The following SUCLG2 variants were observed in gnomAD, a reference collection of about 807,000 sequenced individuals.
SUCLG2 encodes succinate--CoA ligase [GDP-forming] subunit beta, mitochondrial.
A neutral mutation model predicts 47.9 loss-of-function variants in SUCLG2; 42 were observed. The ratio of observed to expected loss-of-function variants is 0.88; its 90% CI spans 0.69 to 1.14. The LOEUF (loss-of-function observed/expected upper bound fraction) is 1.14, where lower values mean the gene tolerates loss of function less well. Among genes scored for constraint, SUCLG2 ranks in the 50% most tolerant of loss-of-function variants. The pLI, the probability that SUCLG2 is intolerant of heterozygous loss-of-function variation, is 0.00. For missense variants in SUCLG2, 571 were observed against 525.9 expected (o/e 1.09, Z -0.84); for synonymous variants, 195 against 197.3 (o/e 0.99, Z 0.10).
chr3:67,541,723 C>T (rs1488047921), intron 2 of SUCLG2, among the ~76,000 whole-genome samples: 1 of 152,176 alleles, frequency 6.6e-6, no homozygotes, highest in East Asian at 1.9e-4. Context: ...GTCAGATTCA[C>T]CAAGGTTGAA....
At chr3:67,508,663 T>C in intron 7 of SUCLG2, 144 bp downstream of exon 7, 1 of 652,548 alleles carries the variant, frequency 1.5e-6, no homozygotes, top group Non-Finnish European at 2.6e-6. Context: ...AACTGCATCA[T>C]GGGAGCATTT....
rs111711299 is a variant in SUCLG2 at position 67,553,697 on chromosome 3, CAAATT to C, written c.227-24516_227-24512del. On this transcript the variant is annotated intron_variant, in intron 2 of 10. Transcript: ENST00000307227. ...TTAAATTGCACCAGTAACTCCCTAACAAATTAAAATAAAAGATTCCATATACTTTA... is the reference window on the plus strand; with the variant it reads ...TTAAATTGCACCAGTAACTCCCTAACAAAATAAAAGATTCCATATACTTTA... Among the ~76,000 whole-genome samples the C allele has an allele frequency of 9.1e-3, 1,391 of 152,174 alleles. 24 individuals are homozygous for C. Among genetic ancestry groups the C allele is most frequent in the African/African-American group, 0.031 (1,295 of 41,532 alleles).
At chr3:67,620,421 C>T (rs1700713234) in intron 1 of SUCLG2, among the ~76,000 whole-genome samples, 1 of 151,808 alleles carries the variant, frequency 6.6e-6, no homozygotes, top group Admixed American at 6.6e-5. Flanking sequence ...CTTGTCTCTA[C>T]TAAAAATACA....
chr3:67,360,691 T>C (rs1701791357), exon 11 of SUCLG2: 3 of 1,530,170 alleles, frequency 2.0e-6, no homozygotes, highest in South Asian at 2.4e-5. Context: ...TTCTCTTGGA[T>C]ACCAGTTATA....
At chr3:67,422,332 G>A (rs1288920745) in intron 9 of SUCLG2, among the ~76,000 whole-genome samples, 1 of 151,356 alleles carries the variant, frequency 6.6e-6, no homozygotes, top group Non-Finnish European at 1.5e-5. Context: ...AAAATTAGCT[G>A]GGCATGGTGG....
intron 1 of SUCLG2, among the ~76,000 whole-genome samples, chr3:67,650,682 A>G (rs1701270438): frequency 6.6e-6 from 1 of 152,086 alleles, no homozygotes; most frequent in Admixed American, 6.6e-5. Context: ...GCTTGTACCC[A>G]GGAGGAGGAG....
intron 9 of SUCLG2, among the ~76,000 whole-genome samples, chr3:67,483,614 G>C (rs1488957168): frequency 6.6e-6 from 1 of 152,222 alleles, no homozygotes; most frequent in Non-Finnish European, 1.5e-5. Flanking sequence ...AACAAGACGA[G>C]ATGTATTTCA....
intron 9 of SUCLG2, among the ~76,000 whole-genome samples, chr3:67,477,719 G>T (rs962493119): frequency 2.6e-5 from 4 of 151,900 alleles, no homozygotes; most frequent in Non-Finnish European, 4.4e-5. Flanking sequence ...ACTAGTGGAG[G>T]TTTTACTAAG....
rs564886614 is a variant in SUCLG2, at chr3:67,654,540, A to G, written c.47T>C (p.Leu16Pro). 12 of 1,264,448 alleles carry G rather than the reference A, an allele frequency of 9.5e-6. No homozygotes were observed. The highest frequency in any genetic ancestry group is 3.0e-5 in the African/African-American group (2 of 65,624). 78.3% of individuals were successfully genotyped at this position (1,264,448 alleles called of 1,614,324 possible). Residue 16 changes from leucine to proline, a missense_variant, in exon 1 of 11, where the codon CTA becomes CCA. By Grantham distance (98) the Leu-to-Pro change is moderately conservative. Transcript: ENST00000307227. ...CGCCAGGAAGCGGGGCCGCAGCGCTAGGGCTCGCAGAAGCTTCCCGGCCTG... is the reference window on the plus strand; with the variant it reads ...CGCCAGGAAGCGGGGCCGCAGCGCTGGGGCTCGCAGAAGCTTCCCGGCCTG... ...AAQAGKLLRALALRPRFLAAG... is the reference protein window; with the variant it reads ...AAQAGKLLRAPALRPRFLAAG...
intron 6 of SUCLG2, among the ~76,000 whole-genome samples, chr3:67,511,994 C>T (rs952793185): frequency 6.6e-6 from 1 of 150,964 alleles, no homozygotes; most frequent in Non-Finnish European, 1.5e-5. Context: ...GGACTACAGG[C>T]ACATGCCACT....
intron 9 of SUCLG2, among the ~76,000 whole-genome samples, chr3:67,438,425 C>T (rs1703677441): frequency 6.6e-6 from 1 of 150,768 alleles, no homozygotes; most frequent in Admixed American, 6.6e-5. Flanking sequence ...CTCATCCTCC[C>T]ACCCAAAAAA....
intron 2 of SUCLG2, among the ~76,000 whole-genome samples, chr3:67,584,114 G>C (rs1230634469): frequency 6.6e-6 from 1 of 152,178 alleles, no homozygotes; most frequent in South Asian, 2.1e-4. Context: ...GTTCATAGCA[G>C]CATTAATCGT....
At chr3:67,606,646 A>T (rs1281496223) in intron 2 of SUCLG2, among the ~76,000 whole-genome samples, 1 of 152,210 alleles carries the variant, frequency 6.6e-6, no homozygotes, top group Non-Finnish European at 1.5e-5. Flanking sequence ...CCAGGTTTAG[A>T]TCTTATTTTA....
chr3:67,441,624 A>G (rs1164659036), intron 9 of SUCLG2, among the ~76,000 whole-genome samples: 1 of 152,188 alleles, frequency 6.6e-6, no homozygotes, highest in Non-Finnish European at 1.5e-5. Flanking sequence ...GTGATAATAG[A>G]TGTTGTTCTA....
intron 9 of SUCLG2, among the ~76,000 whole-genome samples, chr3:67,495,321 A>G (rs900320049): frequency 2.0e-5 from 3 of 152,186 alleles, no homozygotes; most frequent in African/African-American, 7.2e-5. Context: ...CCTTTTACCC[A>G]AAACGAGTTA....
At chr3:67,598,562 C>T (rs886567572) in intron 2 of SUCLG2, among the ~76,000 whole-genome samples, 2 of 152,136 alleles carry the variant, frequency 1.3e-5, no homozygotes, top group African/African-American at 4.8e-5. Context: ...TTTACAGAAA[C>T]ACCTATACTT....
Position 67,643,936 on chromosome 3 carries a change from C to T in SUCLG2, c.84+10567G>A, listed in dbSNP as rs56795625. ...AGGTGATCCACCCACCTGGGCCTCA[C>T]AAAGTGCTGGGATTACAGGCGTGAG... On this transcript the variant is annotated intron_variant, in intron 1 of 10. Transcript: ENST00000307227. Among the ~76,000 whole-genome samples, 264 of 152,336 alleles carry T rather than the reference C, an allele frequency of 1.7e-3. 1 individual carries two copies. Among genetic ancestry groups the T allele is most frequent in the African/African-American group, 6.1e-3 (252 of 41,582 alleles).
chr3:67,596,035 T>C (rs1354347866), intron 2 of SUCLG2, among the ~76,000 whole-genome samples: 2 of 152,268 alleles, frequency 1.3e-5, no homozygotes, highest in Non-Finnish European at 2.9e-5. Flanking sequence ...ATTGGCATTC[T>C]GGTGTATACA....
At chr3:67,617,753 C>T (rs971038073) in intron 1 of SUCLG2, among the ~76,000 whole-genome samples, 3 of 152,150 alleles carry the variant, frequency 2.0e-5, no homozygotes, top group Non-Finnish European at 4.4e-5. Context: ...AGGATACTAA[C>T]AGGCCCATCT....
Sources: allele counts gnomAD v4.1 joint callset (sites outside exome capture counted in the v4.1 genomes callset), GRCh38; gene constraint gnomAD v4.1.1; transcripts MANE v1.5; gene names NCBI Gene and HGNC (gene_info 2026-07-23, HGNC 2026-07-21).